AP3D1: variants seen among roughly 807,000 people sequenced by gnomAD.
AP3D1 encodes adaptor related protein complex 3 subunit delta 1, also known as AP-3 complex subunit delta-1.
Under a neutral mutation model 147.6 loss-of-function variants are expected in AP3D1, and 51 were observed. The ratio of observed to expected loss-of-function variants is 0.35; its 90% CI spans 0.28 to 0.44. The LOEUF (loss-of-function observed/expected upper bound fraction) is 0.44, where lower values mean the gene tolerates loss of function less well. Ranked by LOEUF, AP3D1 falls within the 20% of genes least tolerant of loss-of-function variation. The pLI is 1.00. For synonymous variants in AP3D1, 760 were observed against 663.0 expected, an observed-to-expected ratio of 1.15 and a Z score of -2.25; for missense variants, 1,421 against 1,624.2, an observed-to-expected ratio of 0.87 and a Z score of 2.15.
chr19:2,135,292 T>G (rs1051510655), intron 4 of AP3D1, among the ~76,000 whole-genome samples: 1 of 151,576 alleles, frequency 6.6e-6, no homozygotes, highest in Non-Finnish European at 1.5e-5. Flanking sequence ...TCCCAGCACT[T>G]TGGGAAGCCA....
chr19:2,153,983 T>C (rs2019625197), upstream of AP3D1, among the ~76,000 whole-genome samples: 1 of 88,122 alleles, frequency 1.1e-5, no homozygotes, highest in Non-Finnish European at 3.5e-5. Context: ...AGTCTCGCTC[T>C]GTTGCCCAGG....
intron 1 of AP3D1, among the ~76,000 whole-genome samples, chr19:2,160,940 G>C (rs1261747937): frequency 6.6e-6 from 1 of 151,910 alleles, no homozygotes; most frequent in Non-Finnish European, 1.5e-5. Flanking sequence ...GTGTTTCCTG[G>C]GTGCAGAATC....
chr19:2,141,210 C>T (rs3786971), intron 1 of AP3D1, among the ~76,000 whole-genome samples: 48,482 of 151,912 alleles, frequency 0.32, 9,015 homozygotes, highest in Non-Finnish European at 0.43. Context: ...ATCAGAGGAG[C>T]AACATGGTGA....
intron 31 of AP3D1, among the ~76,000 whole-genome samples, chr19:2,103,205 G>GA (rs1446067932): frequency 6.7e-6 from 1 of 149,648 alleles, no homozygotes; most frequent in African/African-American, 2.5e-5. Context: ...TTAATTTTGC[G>GA]AATTTGCTAA....
intron 21 of AP3D1, 36 bp from the exon 22 acceptor site, chr19:2,114,338 A>ACGGGCCACACATCAGCACCT (rs1267726455): frequency 1.9e-6 from 3 of 1,565,186 alleles, no homozygotes; most frequent in Middle Eastern, 1.7e-4. Context: ...CATCAGCACC[A>ACGGGCCACACATCAGCACCT]CTGGCCACCC....
chr19:2,120,802 G>T, intron 14 of AP3D1, 60 bp downstream of exon 14: 2 of 1,516,682 alleles, frequency 1.3e-6, no homozygotes, highest in East Asian at 2.3e-5. Flanking sequence ...GCACATCCCT[G>T]GTCCCTACCC....
Position 2,118,784 on chromosome 19 carries a change from T to C in AP3D1, c.1530A>G (p.Arg510=). The change falls in exon 15 of 32, where the codon AGA becomes AGG. Residue 510 remains arginine (R), a synonymous_variant. Coordinates refer to ENST00000643116, the MANE Select transcript of AP3D1 (RefSeq NM_001261826.3). The part of the protein sequence containing the change: ...HHTLEAMLRP[R]VTTLPGHIQA... ...GGATGTGGCCTGGCAGCGTGGTGAC[T>C]CTGGGCCGCAGCATGGCCTCCAAAG... The C allele has an allele frequency of 2.5e-6, 4 of 1,613,784 alleles. No individual in the cohort carries two copies. The East Asian group carries it at 8.9e-5, about 36-fold the overall frequency.
chr19:2,157,894 G>T (rs927223340), intron 1 of AP3D1, among the ~76,000 whole-genome samples: 27 of 152,246 alleles, frequency 1.8e-4, no homozygotes, highest in Non-Finnish European at 1.5e-5. Flanking sequence ...TCATGTGGAG[G>T]AGCAGAGAGG....
At chr19:2,105,136 A>T (rs2018074499) in intron 31 of AP3D1, among the ~76,000 whole-genome samples, 1 of 152,246 alleles carries the variant, frequency 6.6e-6, no homozygotes, top group South Asian at 2.1e-4. Context: ...GACGAGGCAG[A>T]CTGGTGAGCT....
In AP3D1 at chr19:2,111,744, G is replaced by A. The variant is rs779572255; in HGVS notation, c.2872C>T (p.Pro958Ser). 1.9e-6 allele frequency: 3 copies of A among 1,609,582 alleles called. No homozygotes were observed. In the East Asian group the frequency reaches 6.7e-5, roughly 36 times the overall value. The change falls in exon 25 of 32, where the codon CCA becomes TCA. Residue 958 changes from proline to serine, a missense_variant. This residue lies in a region of AP3D1 where 791 missense variants were observed against 761.4 expected (regional missense o/e 1.04). Transcript: ENST00000643116. ...KGKKKSKKQP[P>S]GSEEAAGEPV... Reference sequence around the variant, plus strand: ...TCCCCCGCTGCCTCCTCGCTGCCTGGAGGCTGCTTCTTGGACTTCTTCTTG... The same window carrying A: ...TCCCCCGCTGCCTCCTCGCTGCCTGAAGGCTGCTTCTTGGACTTCTTCTTG...
intron 1 of AP3D1, among the ~76,000 whole-genome samples, chr19:2,144,463 A>T (rs1173772208): frequency 2.0e-5 from 3 of 152,180 alleles, no homozygotes; most frequent in Admixed American, 6.6e-5. Flanking sequence ...AACACGCAAC[A>T]GGGCAGAAAC....
In AP3D1 at chr19:2,111,754, C is replaced by T. The variant is rs2018286085; in HGVS notation, c.2862G>A (p.Lys954=). 3.1e-6 allele frequency: 5 copies of T among 1,611,134 alleles called. No homozygotes were observed. The highest frequency in any genetic ancestry group is 1.1e-5 in the South Asian group (1 of 90,592). ...EERTKGKKKS[K]KQPPGSEEAA... ...CCTCCTCGCTGCCTGGAGGCTGCTT[C>T]TTGGACTTCTTCTTGCCTTTGGTCC... Residue 954 remains lysine (K), a synonymous_variant, in exon 25 of 32, where the codon AAG becomes AAA. Coordinates refer to ENST00000643116, the MANE Select transcript of AP3D1 (RefSeq NM_001261826.3).
chr19:2,120,984 C>G lies in AP3D1; in HGVS notation c.1359G>C (p.Lys453Asn), dbSNP rs1435787949. ...DVAIRVKAIR[K>N]FAVSQMSALL... Reference sequence around the variant, plus strand: ...GCGCAGACATCTGGGACACGGCGAACTTGCGGATGGCCTTCACGCGGATGG... The same window carrying G: ...GCGCAGACATCTGGGACACGGCGAAGTTGCGGATGGCCTTCACGCGGATGG... Residue 453 changes from lysine (K) to asparagine (N), a missense_variant, in exon 14 of 32, where the codon AAG (lysine) becomes AAC (asparagine). Around this residue, in one of 6 missense-constraint regions of AP3D1, gnomAD observed 310 missense variants for 388.1 expected, o/e 0.80. Coordinates refer to ENST00000643116, the MANE Select transcript of AP3D1 (RefSeq NM_001261826.3). The G allele has an allele frequency of 6.2e-7, 1 of 1,612,158 alleles. No homozygotes were observed. Among genetic ancestry groups the G allele is most frequent in the African/African-American group, 1.3e-5 (1 of 74,950 alleles).
At chr19:2,157,441 CAAAAAAA>C (rs137939397) in intron 1 of AP3D1, among the ~76,000 whole-genome samples, 3 of 101,174 alleles carry the variant, frequency 3.0e-5, no homozygotes, top group African/African-American at 5.9e-5. Flanking sequence ...GACTCCGTCT[CAAAAAAA>C]AAAAAAAAAA....
chr19:2,136,137 C>T (rs553834587), intron 4 of AP3D1, among the ~76,000 whole-genome samples: 5 of 152,358 alleles, frequency 3.3e-5, no homozygotes, highest in East Asian at 3.9e-4. Flanking sequence ...GCATCTAGGG[C>T]GCATGTCGCC....
chr19:2,145,988 C>T (rs757725969), intron 1 of AP3D1, among the ~76,000 whole-genome samples: 8 of 152,192 alleles, frequency 5.3e-5, no homozygotes, highest in South Asian at 2.1e-4. Context: ...GGCGAGGCTG[C>T]GGCTTTCATG....
Position 2,120,775 on chromosome 19 carries a change from TAGGA to T in AP3D1, c.1481+83_1481+86del, listed in dbSNP as rs1036722947. 26 of 1,359,050 alleles carry T rather than the reference TAGGA, an allele frequency of 1.9e-5. No individual in the cohort carries two copies. The Admixed American group carries it at 3.6e-4, about 19-fold the overall frequency. The allele number at this position is 1,359,050 out of a possible 1,614,324, so 84.2% of individuals were successfully genotyped here. ...GGGGTGGCAGGGCGATGGGAGACGG[TAGGA>T]AGGATCTGCCAGGCACATCCCTGGT... is the stretch of plus-strand genomic sequence containing the variant. On this transcript the variant is annotated intron_variant, in intron 14 of 31. Transcript: ENST00000643116.
chr19:2,143,561 T>C (rs2019279323), intron 1 of AP3D1, among the ~76,000 whole-genome samples: 1 of 151,830 alleles, frequency 6.6e-6, no homozygotes, highest in Non-Finnish European at 1.5e-5. Flanking sequence ...ATTTTTGTAT[T>C]TTTGTGTAGA....
At chr19:2,105,934 A>T (rs1426211811) in intron 31 of AP3D1, among the ~76,000 whole-genome samples, 1 of 152,102 alleles carries the variant, frequency 6.6e-6, no homozygotes, top group Non-Finnish European at 1.5e-5. Flanking sequence ...GTCTCTACTA[A>T]AGAGACAAAA....
Sources: allele counts gnomAD v4.1 joint callset (sites outside exome capture counted in the v4.1 genomes callset), GRCh38; gene constraint gnomAD v4.1.1; regional missense constraint gnomAD v4.1.1; transcripts MANE v1.5; gene names NCBI Gene and HGNC (gene_info 2026-07-23, HGNC 2026-07-21).